The following CPNE4 variants were observed in gnomAD, a reference collection of about 807,000 sequenced individuals.
The protein encoded by CPNE4 is copine-4.
In CPNE4, 25 loss-of-function variants were observed where a neutral mutation model predicts 67.9. That is an observed-to-expected ratio of 0.37 (90% CI 0.27 to 0.51). The LOEUF (loss-of-function observed/expected upper bound fraction) is 0.51, where lower values mean the gene tolerates loss of function less well. CPNE4 is among the 20% of genes least tolerant of loss of function. The pLI is 0.93. For missense variants in CPNE4, 464 were observed against 690.8 expected (o/e 0.67, Z 3.68); for synonymous variants, 242 against 244.9 (o/e 0.99, Z 0.11).
At chr3:132,030,940 C>G (rs917806954) in intron 1 of CPNE4, among the ~76,000 whole-genome samples, 5 of 152,104 alleles carry the variant, frequency 3.3e-5, no homozygotes, top group African/African-American at 1.2e-4. Flanking sequence ...CTTACCTGAC[C>G]CATTTATTGT....
chr3:131,599,895 AAAG>A (rs1939107517), intron 7 of CPNE4, among the ~76,000 whole-genome samples: 1 of 152,204 alleles, frequency 6.6e-6, no homozygotes, highest in African/African-American at 2.4e-5. Context: ...CTATAAATAC[AAAG>A]CCAGCTTTAA....
At chr3:132,039,256 C>A (rs1583632278), upstream of CPNE4, among the ~76,000 whole-genome samples, 1 of 152,264 alleles carries the variant, frequency 6.6e-6, no homozygotes, top group East Asian at 1.9e-4. Context: ...CTGGGATGTA[C>A]CTTTATCTCT....
chr3:131,629,351 A>AT lies in CPNE4; in HGVS notation c.681+40323dup, dbSNP rs1582920292. ...ACTGAAGGCTCAGATGATTATTGGC[A>AT]TTTTTTAGCAAGAATATTTTTAAAT... On this transcript the variant is annotated intron_variant, in intron 7 of 15. Coordinates refer to ENST00000429747, the MANE Select transcript of CPNE4 (RefSeq NM_130808.3). 2.0e-5 allele frequency among the ~76,000 whole-genome samples: 3 copies of AT among 151,680 alleles called. No homozygotes were observed. The East Asian group carries it at 5.8e-4, about 29-fold the overall frequency.
intron 1 of CPNE4, among the ~76,000 whole-genome samples, chr3:131,980,162 G>T (rs1258025753): frequency 1.3e-5 from 2 of 152,112 alleles, no homozygotes; most frequent in African/African-American, 4.8e-5. Context: ...ATAACCTGAT[G>T]AAAATGTGCC....
At chr3:131,626,515 T>A (rs56384303) in intron 7 of CPNE4, among the ~76,000 whole-genome samples, 41,677 of 151,898 alleles carry the variant, frequency 0.27, 9,402 homozygotes, top group African/African-American at 0.63. Context: ...ATTCTCTTCA[T>A]TTCTCTGAAG....
In CPNE4 at chr3:131,699,942, C is replaced by T; in HGVS notation, c.399G>A (p.Lys133=). 1 of 1,612,324 alleles carries T rather than the reference C, an allele frequency of 6.2e-7. No homozygotes were observed. Among genetic ancestry groups the T allele is most frequent in the South Asian group, 1.1e-5 (1 of 90,838 alleles). ...AAGATTTCCCTGCTGTGTTCCCATG[C>T]TTCAGCAAGGATTTGGACAGCTTTC... is the stretch of plus-strand genomic sequence containing the variant. ...SQRKLSKSLL[K]HGNTAGKSSI... The change falls in exon 4 of 16, where the codon AAG becomes AAA. Residue 133 remains lysine (K), a synonymous_variant. Transcript: ENST00000429747.
At chr3:131,833,083 G>C (rs1429867651) in intron 2 of CPNE4, among the ~76,000 whole-genome samples, 1 of 152,116 alleles carries the variant, frequency 6.6e-6, no homozygotes, top group Non-Finnish European at 1.5e-5. Flanking sequence ...TGAGGACATA[G>C]CAAGAAAGTG....
chr3:131,799,107 C>T (rs113107158), intron 2 of CPNE4, among the ~76,000 whole-genome samples: 1,604 of 151,616 alleles, frequency 0.011, 26 homozygotes, highest in African/African-American at 0.037. Flanking sequence ...AAACTGGCTC[C>T]GACAGAAAAA....
Position 131,978,109 on chromosome 3 carries a change from A to AAAATATATAAATATATAT in CPNE4, c.-2+56457_-2+56458insATATATATTTATATATTT, listed in dbSNP as rs1560720429. Reference sequence around the variant, plus strand: ...TATAAATATATATATAAATATATATAAAATATATATAAATATATATATTTA... The same window carrying AAAATATATAAATATATAT: ...TATAAATATATATATAAATATATATAAAATATATAAATATATATAAATATATATAAATATATATATTTA... On this transcript the variant is annotated intron_variant, in intron 1 of 15. Coordinates refer to ENST00000429747, the MANE Select transcript of CPNE4 (RefSeq NM_130808.3). 1.8e-4 allele frequency among the ~76,000 whole-genome samples: 11 copies of AAAATATATAAATATATAT among 60,388 alleles called. No homozygotes were observed. The African/African-American group carries it at 2.9e-3, about 16-fold the overall frequency. 39.6% of individuals were successfully genotyped at this position (60,388 alleles called of 152,430 possible). A position where few individuals can be genotyped will look rare whatever the true frequency, so the allele number is the denominator to read the frequency against.
intron 1 of CPNE4, among the ~76,000 whole-genome samples, chr3:131,993,640 A>G (rs1299599328): frequency 7.4e-6 from 1 of 135,230 alleles, no homozygotes; most frequent in African/African-American, 2.5e-5. Flanking sequence ...TTTCTAACCC[A>G]CAGGAAAAAT....
chr3:131,844,400 G>C (rs1387717602), intron 2 of CPNE4, among the ~76,000 whole-genome samples: 3 of 151,964 alleles, frequency 2.0e-5, no homozygotes, highest in Non-Finnish European at 4.4e-5. Flanking sequence ...CTGAGTAGCT[G>C]GGACTACAGG....
intron 2 of CPNE4, among the ~76,000 whole-genome samples, chr3:131,776,981 T>C (rs950505169): frequency 1.4e-4 from 21 of 152,276 alleles, no homozygotes; most frequent in African/African-American, 4.6e-4. Flanking sequence ...TGTGCCCTAG[T>C]AGCTCAGGGA....
chr3:131,850,431 A>G (rs2086194273), intron 2 of CPNE4, among the ~76,000 whole-genome samples: 1 of 152,074 alleles, frequency 6.6e-6, no homozygotes, highest in Non-Finnish European at 1.5e-5. Context: ...TCTGAGCCCC[A>G]ATTATTTGAT....
rs142297293 is a variant in CPNE4 at position 131,944,952 on chromosome 3, T to C, written c.-1-39508A>G. ...TCTCCATGAACAGCTTTATAGAATATAGAGTGTTCATGCAGTCCCTAGTTC... is the reference window on the plus strand; with the variant it reads ...TCTCCATGAACAGCTTTATAGAATACAGAGTGTTCATGCAGTCCCTAGTTC... On this transcript the variant is annotated intron_variant, in intron 1 of 15. Transcript: ENST00000429747. Among the ~76,000 whole-genome samples, 101 of 152,210 alleles carry C rather than the reference T, an allele frequency of 6.6e-4. 1 individual carries two copies. Among genetic ancestry groups the C allele is most frequent in the African/African-American group, 2.1e-3 (89 of 41,536 alleles).
chr3:131,734,824 G>C (rs1456370171), intron 2 of CPNE4, among the ~76,000 whole-genome samples: 1 of 152,090 alleles, frequency 6.6e-6, no homozygotes. Context: ...CCAGGGAGTC[G>C]AGGCTGCAGT....
intron 7 of CPNE4, among the ~76,000 whole-genome samples, chr3:131,627,067 C>T (rs1246353084): frequency 1.3e-5 from 2 of 151,676 alleles, no homozygotes; most frequent in Non-Finnish European, 2.9e-5. Flanking sequence ...GTGGTGGGCG[C>T]CTGTAATCCC....
In CPNE4 at chr3:131,905,329, C is replaced by T; in HGVS notation, c.115G>A (p.Asp39Asn). 1 of 1,613,564 alleles carries T rather than the reference C, an allele frequency of 6.2e-7. No individual in the cohort carries two copies. Among genetic ancestry groups the T allele is most frequent in the Non-Finnish European group, 8.5e-7 (1 of 1,179,694 alleles). ...RVACKGISDR[D>N]ALSKPDPCVI... ...CAGGGGTCTGGTTTGGAAAGGGCAT[C>T]TCTGTCAGAAATGCCTTTGCACGCC... Residue 39 changes from aspartate (D) to asparagine (N), a missense_variant, in exon 2 of 16, where the codon GAT (aspartate) becomes AAT (asparagine). Asp to Asn is a conservative substitution (Grantham distance 23). Coordinates refer to ENST00000429747, the MANE Select transcript of CPNE4 (RefSeq NM_130808.3).
intron 14 of CPNE4, among the ~76,000 whole-genome samples, chr3:131,548,145 TATA>T (rs1935975165): frequency 6.6e-6 from 1 of 152,116 alleles, no homozygotes; most frequent in South Asian, 2.1e-4. Flanking sequence ...GACTTCAAAT[TATA>T]ATGAAAACAG....
chr3:132,024,416 G>T (rs915422109), intron 1 of CPNE4, among the ~76,000 whole-genome samples: 39 of 152,200 alleles, frequency 2.6e-4, no homozygotes, highest in African/African-American at 8.7e-4. Context: ...AGAGTGTAAA[G>T]CACCCTGTGG....
Sources: gnomAD v4.1 joint callset for allele counts (sites outside exome capture counted in the v4.1 genomes callset) on GRCh38, gnomAD v4.1.1 for gene constraint, MANE v1.5 for transcripts, NCBI Gene and HGNC (gene_info 2026-07-23, HGNC 2026-07-21) for gene names.